The following PPP1R12B variants were observed in gnomAD, a reference collection of about 807,000 sequenced individuals.
PPP1R12B encodes protein phosphatase 1 regulatory subunit 12B.
In PPP1R12B, 76 loss-of-function variants were observed where a neutral mutation model predicts 126.1. The ratio of observed to expected loss-of-function variants is 0.60; its 90% CI spans 0.50 to 0.73. PPP1R12B has a LOEUF of 0.73. Among genes scored for constraint, PPP1R12B ranks in the 30% least tolerant of loss-of-function variants. PPP1R12B has a pLI of 0.00. For missense variants in PPP1R12B, 1,052 were observed against 1,205.1 expected, an observed-to-expected ratio of 0.87 and a Z score of 1.88; for synonymous variants, 356 against 434.7, an observed-to-expected ratio of 0.82 and a Z score of 2.25.
chr1:202,396,331 T>G (rs896836959), intron 1 of PPP1R12B, among the ~76,000 whole-genome samples: 1 of 152,166 alleles, frequency 6.6e-6, no homozygotes, highest in African/African-American at 2.4e-5. Flanking sequence ...TTACTTAATC[T>G]TCTAAAAATG....
rs774453849 is a variant in PPP1R12B at position 202,348,821 on chromosome 1, A to C, written c.-31A>C. 6.3e-7 allele frequency: 1 copy of C among 1,590,166 alleles called. No homozygotes were observed. The highest frequency in any genetic ancestry group is 1.8e-5 in the Admixed American group (1 of 55,122). ...GCCCCAACAGTAATTTAGTGTTGGT[A>C]GTTTTGGCAGCAGCTGCCGAGGCCG... On this transcript the variant is annotated 5_prime_UTR_variant, in exon 1 of 24. Coordinates refer to ENST00000608999, the MANE Select transcript of PPP1R12B (RefSeq NM_002481.4).
At chr1:202,472,108 T>C (rs2148794314) in intron 13 of PPP1R12B, 1 of 1,557,550 alleles carries the variant, frequency 6.4e-7, no homozygotes, top group Non-Finnish European at 8.7e-7. Flanking sequence ...AGATCCTTTG[T>C]GAGAGGCATG....
intron 23 of PPP1R12B, among the ~76,000 whole-genome samples, chr1:202,570,085 C>G (rs570071925): frequency 6.9e-4 from 105 of 152,310 alleles, no homozygotes; most frequent in African/African-American, 2.4e-3. Context: ...AATCACTTAG[C>G]ACCTACTCAG....
At chr1:202,510,857 C>G (rs1043971531) in intron 18 of PPP1R12B, among the ~76,000 whole-genome samples, 1 of 146,746 alleles carries the variant, frequency 6.8e-6, no homozygotes, top group African/African-American at 2.5e-5. Context: ...AAGTTTTATT[C>G]AGGCAAGTAT....
intron 18 of PPP1R12B, among the ~76,000 whole-genome samples, chr1:202,555,525 A>C (rs1686835591): frequency 1.3e-5 from 2 of 151,878 alleles, no homozygotes; most frequent in South Asian, 4.2e-4. Flanking sequence ...TCAGCAGCAA[A>C]AAAGCATGAT....
At chr1:202,492,575 T>A (rs1048119365) in intron 14 of PPP1R12B, among the ~76,000 whole-genome samples, 1 of 152,220 alleles carries the variant, frequency 6.6e-6, no homozygotes, top group African/African-American at 2.4e-5. Context: ...TGTTGGAATA[T>A]CCCTATATGA....
chr1:202,460,612 G>C (rs774421239), intron 13 of PPP1R12B, among the ~76,000 whole-genome samples: 1 of 151,946 alleles, frequency 6.6e-6, no homozygotes, highest in African/African-American at 2.4e-5. Context: ...AAAAGTCTGC[G>C]GCCATGCTGC....
chr1:202,360,709 CAA>C (rs1360335257), intron 1 of PPP1R12B, among the ~76,000 whole-genome samples: 7 of 108,978 alleles, frequency 6.4e-5, no homozygotes, highest in Admixed American at 1.9e-4. Flanking sequence ...AACTCCGTCT[CAA>C]AAAAAAAAAA....
chr1:202,423,003 G>A (rs1669010988), intron 3 of PPP1R12B, among the ~76,000 whole-genome samples: 1 of 152,142 alleles, frequency 6.6e-6, no homozygotes, highest in African/African-American at 2.4e-5. Flanking sequence ...AGAGTGACCT[G>A]ATGAGGACTG....
chr1:202,575,023 A>G, intron 23 of PPP1R12B: 1 of 1,612,904 alleles, frequency 6.2e-7, no homozygotes, highest in Non-Finnish European at 8.5e-7. Flanking sequence ...GCTAAAACAG[A>G]TTCAAACCTT....
chr1:202,516,611 A>G (rs888077332), intron 18 of PPP1R12B, among the ~76,000 whole-genome samples: 6 of 152,170 alleles, frequency 3.9e-5, no homozygotes, highest in Admixed American at 2.0e-4. Flanking sequence ...GCAGAGCTCC[A>G]AGATAGTTTG....
chr1:202,401,361 ATTT>A (rs34810265), intron 1 of PPP1R12B, among the ~76,000 whole-genome samples: 2 of 71,420 alleles, frequency 2.8e-5, no homozygotes, highest in East Asian at 3.9e-4. Flanking sequence ...GGCTAATTTA[ATTT>A]TTTTTTTTTT....
chr1:202,536,446 A>G (rs567178634), intron 18 of PPP1R12B, among the ~76,000 whole-genome samples: 1 of 152,360 alleles, frequency 6.6e-6, no homozygotes, highest in African/African-American at 2.4e-5. Context: ...ATATACCTGT[A>G]TAGGGCATTT....
intron 23 of PPP1R12B, among the ~76,000 whole-genome samples, chr1:202,572,703 T>G (rs1231583127): frequency 6.6e-6 from 1 of 152,178 alleles, no homozygotes; most frequent in Non-Finnish European, 1.5e-5. Flanking sequence ...TTGTCAGACC[T>G]TCTCCCCTTC....
intron 4 of PPP1R12B, among the ~76,000 whole-genome samples, chr1:202,426,062 C>A (rs1402700201): frequency 2.0e-5 from 3 of 152,090 alleles, no homozygotes; most frequent in African/African-American, 7.2e-5. Context: ...ATCATTTGTT[C>A]CGTTTTGACT....
chr1:202,394,596 A>G (rs1664656376), intron 1 of PPP1R12B, among the ~76,000 whole-genome samples: 1 of 151,520 alleles, frequency 6.6e-6, no homozygotes, highest in South Asian at 2.1e-4. Context: ...CTCTACTAAA[A>G]ATACAAAATT....
At chr1:202,504,620 A>G (rs1680613884) in intron 18 of PPP1R12B, among the ~76,000 whole-genome samples, 1 of 152,200 alleles carries the variant, frequency 6.6e-6, no homozygotes, top group African/African-American at 2.4e-5. Context: ...ACATAGTTGT[A>G]GTCCTAGTGC....
chr1:202,380,865 CT>C (rs1662133877), intron 1 of PPP1R12B, among the ~76,000 whole-genome samples: 1 of 152,146 alleles, frequency 6.6e-6, no homozygotes, highest in Non-Finnish European at 1.5e-5. Flanking sequence ...ATAGTGTAGT[CT>C]TTGAAAGTCA....
intron 2 of PPP1R12B, among the ~76,000 whole-genome samples, chr1:202,421,408 G>T (rs1668754008): frequency 6.6e-6 from 1 of 151,062 alleles, no homozygotes; most frequent in African/African-American, 2.4e-5. Context: ...AGGCCGAGGC[G>T]GGCGGACTAC....
Sources: allele counts gnomAD v4.1 joint callset (sites outside exome capture counted in the v4.1 genomes callset), GRCh38; gene constraint gnomAD v4.1.1; transcripts MANE v1.5; gene names NCBI Gene and HGNC (gene_info 2026-07-23, HGNC 2026-07-21).